The following L3MBTL1 variants were observed in gnomAD, a reference collection of about 807,000 sequenced individuals.
L3MBTL1 encodes the protein L3MBTL histone methyl-lysine binding protein 1.
Under a neutral mutation model 105.3 loss-of-function variants are expected in L3MBTL1, and 75 were observed. The observed-to-expected ratio is 0.71, with a 90% confidence interval of 0.59 to 0.86. The LOEUF is 0.86. Ranked by LOEUF, L3MBTL1 falls within the 40% of genes least tolerant of loss-of-function variation. The pLI is 0.00. For missense variants in L3MBTL1, 1,069 were observed against 1,126.4 expected (o/e 0.95, Z 0.73); for synonymous variants, 452 against 436.2 (o/e 1.04, Z -0.45).
chr20:43,536,330 G>A, intron 18 of L3MBTL1, 36 bp downstream of exon 18: 1 of 1,612,052 alleles, frequency 6.2e-7, no homozygotes. Context: ...CGGGCTTCCT[G>A]GGGGTGTGGG....
chr20:43,509,934 G>A (rs1054026566), intron 1 of L3MBTL1, among the ~76,000 whole-genome samples: 1 of 152,184 alleles, frequency 6.6e-6, no homozygotes, highest in Admixed American at 6.6e-5. Flanking sequence ...CGCGATCTTG[G>A]CTCACTGCAA....
In L3MBTL1 at chr20:43,536,277, G is replaced by A. The variant is rs2019611992; in HGVS notation, c.2106G>A (p.Lys702=). ...TCTCAGGCTTCTCCCCAAGGAAGAAGCCTCGCCATCACGGCCGGTATGGAG... is the reference window on the plus strand; with the variant it reads ...TCTCAGGCTTCTCCCCAAGGAAGAAACCTCGCCATCACGGCCGGTATGGAG... ...KNLSGFSPRK[K]PRHHGRIGRP... is the part of the protein sequence containing the mutation. The change falls in exon 18 of 22, where the codon AAG becomes AAA. Residue 702 remains lysine (K), a synonymous_variant. Transcript: ENST00000418998. 5 of 1,612,192 alleles carry A rather than the reference G, an allele frequency of 3.1e-6. No individual in the cohort carries two copies. The East Asian group carries it at 1.1e-4, about 36-fold the overall frequency.
Position 43,530,818 on chromosome 20 carries a change from A to G in L3MBTL1, c.1213A>G (p.Ser405Gly). Reference sequence around the variant, plus strand: ...CCTAGGTTACAAGGAGGAGGAGTTCAGCTGGAGCCAGTACCTGCGCAGCAC... The same window carrying G: ...CCTAGGTTACAAGGAGGAGGAGTTCGGCTGGAGCCAGTACCTGCGCAGCAC... ...PPKGYKEEEFSWSQYLRSTRA... is the reference protein window; with the variant it reads ...PPKGYKEEEFGWSQYLRSTRA... The change falls in exon 11 of 22, where the codon AGC (serine) becomes GGC (glycine). Residue 405 changes from serine (S) to glycine (G), a missense_variant. Ser to Gly is a moderately conservative substitution (Grantham distance 56, BLOSUM62 0). Transcript: ENST00000418998. 1 of 1,614,186 alleles carries G rather than the reference A, an allele frequency of 6.2e-7. No individual in the cohort carries two copies. The highest frequency in any genetic ancestry group is 8.5e-7 in the Non-Finnish European group (1 of 1,180,030).
At chr20:43,529,190 C>T in intron 8 of L3MBTL1, 74 bp from the exon 9 acceptor site, 1 of 1,160,710 alleles carries the variant, frequency 8.6e-7, no homozygotes, top group Non-Finnish European at 1.3e-6. Flanking sequence ...AAAGGCAGCT[C>T]CTTCACCCCA....
chr20:43,533,074 C>G, intron 12 of L3MBTL1, 150 bp downstream of exon 12: 1 of 804,510 alleles, frequency 1.2e-6, no homozygotes, highest in Non-Finnish European at 2.0e-6. Context: ...TGAGCTTTAT[C>G]ATAAGAAATA....
intron 1 of L3MBTL1, among the ~76,000 whole-genome samples, chr20:43,509,362 C>G (rs1401785687): frequency 6.6e-6 from 1 of 151,960 alleles, no homozygotes; most frequent in Non-Finnish European, 1.5e-5. Flanking sequence ...GTAGCTGGGA[C>G]CACAGGGGTG....
chr20:43,530,787 G>A lies in L3MBTL1; in HGVS notation c.1193-11G>A, dbSNP rs759174420. Reference sequence around the variant, plus strand: ...GCACGGCGCTCTGTTCATGCCCCTCGAGGGGCCTAGGTTACAAGGAGGAGG... The same window carrying A: ...GCACGGCGCTCTGTTCATGCCCCTCAAGGGGCCTAGGTTACAAGGAGGAGG... On this transcript the variant is annotated splice_polypyrimidine_tract_variant and intron_variant, in intron 10 of 21. Transcript: ENST00000418998. The A allele has an allele frequency of 5.6e-6, 9 of 1,613,490 alleles. No individual in the cohort carries two copies. Among genetic ancestry groups the A allele is most frequent in the Admixed American group, 1.7e-5 (1 of 60,010 alleles).
intron 1 of L3MBTL1, among the ~76,000 whole-genome samples, chr20:43,512,919 T>G (rs2018175036): frequency 6.6e-6 from 1 of 152,224 alleles, no homozygotes; most frequent in African/African-American, 2.4e-5. Flanking sequence ...GATGCTTGAG[T>G]GCCCACCCTG....
intron 15 of L3MBTL1, 80 bp from the exon 16 acceptor site, chr20:43,534,747 TC>T (rs767903029): frequency 1.5e-4 from 140 of 958,346 alleles, no homozygotes; most frequent in Non-Finnish European, 1.4e-4. Context: ...TTCTGACAGG[TC>T]CCAGGGATGG....
chr20:43,534,682 C>G (rs2019514871), intron 15 of L3MBTL1, 146 bp from the exon 16 acceptor site: 2 of 635,720 alleles, frequency 3.1e-6, no homozygotes, highest in Non-Finnish European at 5.5e-6. Flanking sequence ...AATGTGGTGG[C>G]CAAGACAGAT....
chr20:43,513,965 G>C lies in L3MBTL1; in HGVS notation c.264G>C (p.Pro88=). The C allele has an allele frequency of 1.9e-6, 3 of 1,548,262 alleles. No individual in the cohort carries two copies. Among genetic ancestry groups the C allele is most frequent in the Non-Finnish European group, 2.6e-6 (3 of 1,146,934 alleles). ...AACCAGTTTCTGCCACCGTCCTGCCGCAGCTTAGCGCCGGGCCGGCCAGCT... is the reference window on the plus strand; with the variant it reads ...AACCAGTTTCTGCCACCGTCCTGCCCCAGCTTAGCGCCGGGCCGGCCAGCT... ...GCEPVSATVL[P]QLSAGPASSS... Residue 88 remains proline (P), a synonymous_variant, in exon 3 of 22, where the codon CCG becomes CCC. Coordinates refer to ENST00000418998, the MANE Select transcript of L3MBTL1 (RefSeq NM_001377303.1).
intron 10 of L3MBTL1, 96 bp downstream of exon 10, chr20:43,530,515 T>A: frequency 1.4e-6 from 2 of 1,395,534 alleles, no homozygotes; most frequent in Non-Finnish European, 2.0e-6. Context: ...TTTTGTTTTC[T>A]GACCCTGTAC....
downstream of L3MBTL1, among the ~76,000 whole-genome samples, chr20:43,544,608 G>T (rs1184474660): frequency 6.6e-6 from 1 of 152,142 alleles, no homozygotes; most frequent in African/African-American, 2.4e-5. Context: ...GGCAGTTACC[G>T]TGGGTGAGAA....
intron 7 of L3MBTL1, among the ~76,000 whole-genome samples, chr20:43,527,919 G>A (rs1465276069): frequency 1.3e-5 from 2 of 151,866 alleles, no homozygotes; most frequent in African/African-American, 4.8e-5. Context: ...TTGAGACAGA[G>A]TCTTGCCCTG....
intron 18 of L3MBTL1, 41 bp downstream of exon 18, chr20:43,536,335 T>C (rs751320514): frequency 1.9e-6 from 3 of 1,611,370 alleles, no homozygotes; most frequent in Middle Eastern, 1.6e-4. Context: ...TTCCTGGGGG[T>C]GTGGGGCCTT....
intron 1 of L3MBTL1, 41 bp from the exon 2 acceptor site, chr20:43,513,435 G>A (rs1387757631): frequency 1.3e-6 from 2 of 1,520,832 alleles, no homozygotes; most frequent in East Asian, 2.5e-5. Context: ...TGTAACAAAG[G>A]TCCCCACCTG....
intron 1 of L3MBTL1, among the ~76,000 whole-genome samples, chr20:43,510,123 G>T (rs2018092573): frequency 1.3e-5 from 2 of 152,254 alleles, no homozygotes; most frequent in South Asian, 4.1e-4. Context: ...CCAAAGTGTT[G>T]GGATTACAGG....
chr20:43,508,900 T>TAC (rs1268990268), intron 1 of L3MBTL1, among the ~76,000 whole-genome samples: 1 of 152,212 alleles, frequency 6.6e-6, no homozygotes, highest in African/African-American at 2.4e-5. Context: ...GTGGGGTCTT[T>TAC]ACACCTCATA....
chr20:43,548,050 C>T lies in L3MBTL1; in HGVS notation c.2125-61C>T, dbSNP rs537444256. ...CATGCACACCCCTCCCTTTCCTTCACCCCTGCCCCGTGACCCTTTCCACCT... is the reference window on the plus strand; with the variant it reads ...CATGCACACCCCTCCCTTTCCTTCATCCCTGCCCCGTGACCCTTTCCACCT... On this transcript the variant is annotated intron_variant, in intron 18 of 18. Transcript: ENST00000422861. 3.8e-4 allele frequency: 466 copies of T among 1,226,284 alleles called. 3 individuals are homozygous for T. Among genetic ancestry groups the T allele is most frequent in the Middle Eastern group, 3.1e-3 (13 of 4,220 alleles). The allele number at this position is 1,226,284 out of a possible 1,614,324, so 76.0% of individuals were successfully genotyped here. A position where few individuals can be genotyped will look rare whatever the true frequency, so the allele number is the denominator to read the frequency against.
Sources: allele counts gnomAD v4.1 joint callset (sites outside exome capture counted in the v4.1 genomes callset), GRCh38; gene constraint gnomAD v4.1.1; transcripts MANE v1.5; gene names NCBI Gene and HGNC (gene_info 2026-07-23, HGNC 2026-07-21).